Variants in CNTN5 observed in about 807,000 individuals in gnomAD.
CNTN5 encodes the protein contactin-5.
In CNTN5, 77 loss-of-function variants were observed where a neutral mutation model predicts 129.1. That is an observed-to-expected ratio of 0.60 (90% confidence interval 0.50 to 0.72). The LOEUF is 0.72. Ranked by LOEUF, CNTN5 falls within the 30% of genes least tolerant of loss-of-function variation. The pLI, the probability that CNTN5 is intolerant of heterozygous loss-of-function variation, is 0.00. For synonymous variants in CNTN5, 509 were observed against 465.6 expected (o/e 1.09, Z -1.20); for missense variants, 1,478 against 1,328.8 (o/e 1.11, Z -1.75).
chr11:99,981,294 A>G (rs1006942053), intron 8 of CNTN5, among the ~76,000 whole-genome samples: 2 of 151,940 alleles, frequency 1.3e-5, no homozygotes, highest in Non-Finnish European at 2.9e-5. Context: ...CTGAGACCAC[A>G]GGCCTGATAA....
At chr11:99,971,395 T>C (rs1435609152) in intron 8 of CNTN5, among the ~76,000 whole-genome samples, 1 of 151,532 alleles carries the variant, frequency 6.6e-6, no homozygotes, top group African/African-American at 2.4e-5. Flanking sequence ...ATACAAAAAT[T>C]AGCTGGGCGT....
chr11:100,309,366 A>C, intron 21 of CNTN5: 1 of 977,468 alleles, frequency 1.0e-6, no homozygotes, highest in Non-Finnish European at 1.2e-6. Context: ...AATAATGCCC[A>C]ACAATTATTT....
At chr11:99,965,262 A>G (rs768084642) in intron 8 of CNTN5, among the ~76,000 whole-genome samples, 2 of 151,788 alleles carry the variant, frequency 1.3e-5, no homozygotes, top group Non-Finnish European at 2.9e-5. Context: ...TAGGGTGCCA[A>G]TTTTAGATGT....
intron 2 of CNTN5, among the ~76,000 whole-genome samples, chr11:99,485,008 T>C (rs1175443574): frequency 6.6e-6 from 1 of 152,106 alleles, no homozygotes; most frequent in Non-Finnish European, 1.5e-5. Flanking sequence ...GTCCTGTAGC[T>C]CTGTAGGATG....
intron 3 of CNTN5, among the ~76,000 whole-genome samples, chr11:99,615,297 AACTG>A (rs763333890): frequency 1.3e-4 from 20 of 151,990 alleles, no homozygotes; most frequent in Non-Finnish European, 2.4e-4. Context: ...GACTTCTCTA[AACTG>A]ACTATTTTTA....
At chr11:99,063,906 G>A (rs2135222672) in intron 1 of CNTN5, among the ~76,000 whole-genome samples, 1 of 152,174 alleles carries the variant, frequency 6.6e-6, no homozygotes, top group South Asian at 2.1e-4. Flanking sequence ...ACATGTACAT[G>A]ACTAAATAAG....
At chr11:99,144,197 T>A (rs962089871) in intron 1 of CNTN5, among the ~76,000 whole-genome samples, 1 of 152,230 alleles carries the variant, frequency 6.6e-6, no homozygotes, top group Non-Finnish European at 1.5e-5. Flanking sequence ...CCATCATTTA[T>A]TCATTGTTTT....
chr11:99,743,471 C>G (rs558869426), intron 3 of CNTN5, among the ~76,000 whole-genome samples: 1 of 152,256 alleles, frequency 6.6e-6, no homozygotes, highest in South Asian at 2.1e-4. Flanking sequence ...CTGTGTGTCG[C>G]CTGAACAAGT....
intron 1 of CNTN5, among the ~76,000 whole-genome samples, chr11:99,071,142 A>G (rs1940484): frequency 0.39 from 58,501 of 151,848 alleles, 11,537 homozygotes; most frequent in East Asian, 0.54. Flanking sequence ...ACCAAAGCCT[A>G]TAACTACTGC....
chr11:99,173,320 G>A (rs1457303849), intron 1 of CNTN5, among the ~76,000 whole-genome samples: 1 of 152,098 alleles, frequency 6.6e-6, no homozygotes, highest in Non-Finnish European at 1.5e-5. Context: ...AAAGCCTCAG[G>A]TTGAGGCTGT....
At chr11:99,781,636 C>T (rs1318684274) in intron 3 of CNTN5, among the ~76,000 whole-genome samples, 9 of 152,052 alleles carry the variant, frequency 5.9e-5, no homozygotes, top group African/African-American at 1.4e-4. Flanking sequence ...ATAGCTCCTA[C>T]ACCCAGCAGG....
chr11:100,103,848 C>T (rs1330111326), intron 13 of CNTN5, among the ~76,000 whole-genome samples: 1 of 152,142 alleles, frequency 6.6e-6, no homozygotes, highest in Admixed American at 6.5e-5. Flanking sequence ...CAGCAACTTC[C>T]ATAGGCTAAT....
At chr11:100,156,383 G>A (rs934301210) in intron 13 of CNTN5, among the ~76,000 whole-genome samples, 1 of 152,124 alleles carries the variant, frequency 6.6e-6, no homozygotes, top group Non-Finnish European at 1.5e-5. Flanking sequence ...GCTTTTTGAT[G>A]TGCTGCTGGA....
At chr11:99,167,908 A>G (rs1213395106) in intron 1 of CNTN5, among the ~76,000 whole-genome samples, 1 of 151,920 alleles carries the variant, frequency 6.6e-6, no homozygotes, top group Non-Finnish European at 1.5e-5. Context: ...TCTGACCCCA[A>G]AGCCTATTTT....
intron 13 of CNTN5, among the ~76,000 whole-genome samples, chr11:100,185,761 C>G (rs910525158): frequency 1.3e-5 from 2 of 152,172 alleles, no homozygotes; most frequent in African/African-American, 4.8e-5. Flanking sequence ...AAACCTCTCT[C>G]TCTCTGCCAC....
chr11:99,112,532 G>A lies in CNTN5; in HGVS notation c.-210+91262G>A, dbSNP rs1359801946. On this transcript the variant is annotated intron_variant, in intron 1 of 24. Coordinates refer to ENST00000524871, the MANE Select transcript of CNTN5 (RefSeq NM_014361.4). Reference sequence around the variant, plus strand: ...ACAAGGCTAGATTGTGAATGCACACGTTTCTTTTGTTGGCACCATTATTGA... The same window carrying A: ...ACAAGGCTAGATTGTGAATGCACACATTTCTTTTGTTGGCACCATTATTGA... Among the ~76,000 whole-genome samples, 5 of 152,092 alleles carry A rather than the reference G, an allele frequency of 3.3e-5. No individual in the cohort carries two copies. In the East Asian group the frequency reaches 5.8e-4, roughly 18 times the overall value.
At chr11:99,112,879 T>TC (rs1332018001) in intron 1 of CNTN5, among the ~76,000 whole-genome samples, 2 of 151,898 alleles carry the variant, frequency 1.3e-5, no homozygotes, top group African/African-American at 2.4e-5. Context: ...CTTTTTACTA[T>TC]CCCCCTTTTT....
At chr11:99,211,790 C>T (rs1021686960) in intron 1 of CNTN5, among the ~76,000 whole-genome samples, 22 of 152,060 alleles carry the variant, frequency 1.4e-4, no homozygotes, top group African/African-American at 4.8e-4. Context: ...TTCACTTCAT[C>T]ATGAATACTT....
chr11:100,167,189 CAAACA>C (rs905057644), intron 13 of CNTN5, among the ~76,000 whole-genome samples: 1 of 145,438 alleles, frequency 6.9e-6, no homozygotes, highest in African/African-American at 2.5e-5. Context: ...TCATCAAAAA[CAAACA>C]AAAAAAAATT....
Sources: allele counts gnomAD v4.1 joint callset (sites outside exome capture counted in the v4.1 genomes callset), GRCh38; gene constraint gnomAD v4.1.1; transcripts MANE v1.5; gene names NCBI Gene and HGNC (gene_info 2026-07-23, HGNC 2026-07-21).